ELAVL2: variants seen among roughly 807,000 people sequenced by gnomAD.
The protein encoded by ELAVL2 is ELAV-like protein 2.
Under a neutral mutation model 34.6 loss-of-function variants are expected in ELAVL2, and 4 were observed. The observed-to-expected ratio is 0.12, with a 90% confidence interval of 0.06 to 0.26. ELAVL2 has a LOEUF of 0.26. Ranked by LOEUF, ELAVL2 falls within the 10% of genes least tolerant of loss-of-function variation. The probability of loss-of-function intolerance (pLI) is 1.00; values close to 1 mark genes in which losing one functional copy is unlikely to be tolerated. For missense variants in ELAVL2, 432 were observed against 442.8 expected (o/e 0.98, Z 0.22); for synonymous variants, 193 against 154.8 (o/e 1.25, Z -1.83).
chr9:23,710,557 G>C (rs2040644703), intron 3 of ELAVL2, among the ~76,000 whole-genome samples: 2 of 152,142 alleles, frequency 1.3e-5, no homozygotes. Context: ...CCACTGCTAA[G>C]ATCACCACTG....
intron 2 of ELAVL2, among the ~76,000 whole-genome samples, chr9:23,738,320 C>G (rs1300121328): frequency 6.6e-6 from 1 of 152,206 alleles, no homozygotes; most frequent in East Asian, 1.9e-4. Flanking sequence ...CTGACTTAGC[C>G]TGAGTCTCCT....
At position 23,779,356 on chromosome 9, in the gene ELAVL2, C is replaced by A; in HGVS notation, c.-15-17107G>T. On this transcript the variant is annotated intron_variant, in intron 1 of 6. Coordinates refer to ENST00000397312, the MANE Select transcript of ELAVL2 (RefSeq NM_004432.5). ...AATTCCAGGGCCTGCAGAAAGTCTT[C>A]AAAGGCAAGGGAAGAAAGCAACGCC... is the stretch of plus-strand genomic sequence containing the variant. 5.1e-6 allele frequency: 5 copies of A among 985,364 alleles called. No individual in the cohort carries two copies. The South Asian group carries it at 1.9e-4, about 37-fold the overall frequency. 61.0% of individuals were successfully genotyped at this position (985,364 alleles called of 1,614,324 possible).
At chr9:23,829,543 A>G (rs1043562325), upstream of ELAVL2, 7 of 152,210 alleles carry the variant, frequency 4.6e-5, no homozygotes, top group African/African-American at 1.7e-4. Flanking sequence ...TAAAAATGTT[A>G]TGTGTTAGTA....
intron 4 of ELAVL2, among the ~76,000 whole-genome samples, chr9:23,703,405 T>C (rs1331924761): frequency 6.6e-6 from 1 of 152,224 alleles, no homozygotes; most frequent in Non-Finnish European, 1.5e-5. Flanking sequence ...GGTGGCAATG[T>C]ATAAGTATTA....
At chr9:23,813,922 T>A (rs1306104272) in intron 1 of ELAVL2, among the ~76,000 whole-genome samples, 1 of 152,164 alleles carries the variant, frequency 6.6e-6, no homozygotes, top group Non-Finnish European at 1.5e-5. Context: ...AGTATAGCAT[T>A]AGAGACACCA....
intron 1 of ELAVL2, among the ~76,000 whole-genome samples, chr9:23,786,675 G>A (rs1341040567): frequency 6.6e-6 from 1 of 151,090 alleles, no homozygotes; most frequent in African/African-American, 2.4e-5. Flanking sequence ...AAACTTCAAG[G>A]TACAGATAGG....
At chr9:23,800,883 A>C (rs1209758685) in intron 1 of ELAVL2, among the ~76,000 whole-genome samples, 3 of 152,178 alleles carry the variant, frequency 2.0e-5, no homozygotes, top group Non-Finnish European at 4.4e-5. Context: ...TCCTATTCAC[A>C]TTAAACAGAA....
At chr9:23,819,350 T>G (rs2064192366) in intron 1 of ELAVL2, among the ~76,000 whole-genome samples, 1 of 152,058 alleles carries the variant, frequency 6.6e-6, no homozygotes, top group African/African-American at 2.4e-5. Context: ...CCAAAAAAAC[T>G]AAATCAGAGA....
At chr9:23,765,442 A>T (rs2056024051) in intron 1 of ELAVL2, among the ~76,000 whole-genome samples, 1 of 152,180 alleles carries the variant, frequency 6.6e-6, no homozygotes, top group Non-Finnish European at 1.5e-5. Flanking sequence ...TCTCTTAAGG[A>T]TGTGGGAGAA....
At chr9:23,712,192 A>G (rs1338921177) in intron 3 of ELAVL2, among the ~76,000 whole-genome samples, 1 of 152,132 alleles carries the variant, frequency 6.6e-6, no homozygotes, top group Admixed American at 6.5e-5. Context: ...AAGGTGAAGC[A>G]ACTTTTCCAA....
In ELAVL2 at chr9:23,738,104, T is replaced by C. The variant is rs143148148; in HGVS notation, c.230-6979A>G. Among the ~76,000 whole-genome samples, 1,118 of 152,324 alleles carry C rather than the reference T, an allele frequency of 7.3e-3. 23 individuals are homozygous for C. The highest frequency in any genetic ancestry group is 0.026 in the African/African-American group (1,075 of 41,570). On this transcript the variant is annotated intron_variant, in intron 2 of 6. Transcript: ENST00000397312. ...ACTTACTGTTCTTGGGCACTCATTA[T>C]GTGTGTCTGTTCAGACAGGCTGTGC...
chr9:23,709,169 C>A lies in ELAVL2; in HGVS notation c.334-4098G>T, dbSNP rs576789067. Among the ~76,000 whole-genome samples, 3 of 152,288 alleles carry A rather than the reference C, an allele frequency of 2.0e-5. No individual in the cohort carries two copies. In the South Asian group the frequency reaches 6.2e-4, roughly 32 times the overall value. On this transcript the variant is annotated intron_variant, in intron 3 of 6. Transcript: ENST00000397312. ...CCAAGGCTCAAGGTCCTACCCCTAT[C>A]CCTTTATTTACTGTTCTTGGAATTA...
At chr9:23,716,153 C>T (rs1484266258) in intron 3 of ELAVL2, among the ~76,000 whole-genome samples, 5 of 84,714 alleles carry the variant, frequency 5.9e-5, no homozygotes, top group Admixed American at 1.7e-4. Flanking sequence ...CATCACACAC[C>T]GGGGCCTGTT....
intron 5 of ELAVL2, among the ~76,000 whole-genome samples, chr9:23,700,295 T>C (rs1055681126): frequency 6.6e-6 from 1 of 152,182 alleles, no homozygotes; most frequent in Non-Finnish European, 1.5e-5. Context: ...TATTTAAAAA[T>C]GTCCTGGAAA....
At chr9:23,724,802 T>C (rs182569385) in intron 3 of ELAVL2, among the ~76,000 whole-genome samples, 1 of 152,254 alleles carries the variant, frequency 6.6e-6, no homozygotes, top group Admixed American at 6.5e-5. Context: ...TCAGTCTGTA[T>C]TTTTTAAAAG....
intron 1 of ELAVL2, among the ~76,000 whole-genome samples, chr9:23,779,529 G>A (rs963875215): frequency 2.0e-5 from 3 of 152,108 alleles, no homozygotes; most frequent in African/African-American, 7.2e-5. Context: ...CTCCAAAGCT[G>A]CTATTTTGTT....
intron 1 of ELAVL2, among the ~76,000 whole-genome samples, chr9:23,816,600 A>G (rs578161784): frequency 6.6e-6 from 1 of 151,458 alleles, no homozygotes; most frequent in African/African-American, 2.4e-5. Flanking sequence ...ATGATGGTTC[A>G]AACTTACGAT....
rs147642066 is a variant in ELAVL2 at position 23,771,236 on chromosome 9, C to T, written c.-15-8987G>A. Among the ~76,000 whole-genome samples, 257 of 152,248 alleles carry T rather than the reference C, an allele frequency of 1.7e-3. 1 individual carries two copies. Among genetic ancestry groups the T allele is most frequent in the African/African-American group, 6.0e-3 (249 of 41,544 alleles). ...CAGAAGAAAACACATTATTAAGGTG[C>T]TACATTTTAATTACATCAGTACACT... On this transcript the variant is annotated intron_variant, in intron 1 of 6. Transcript: ENST00000397312.
intron 1 of ELAVL2, among the ~76,000 whole-genome samples, chr9:23,769,197 CA>C (rs1408421451): frequency 6.6e-6 from 1 of 151,680 alleles, no homozygotes; most frequent in African/African-American, 2.4e-5. Flanking sequence ...GCCAAACATA[CA>C]AAACACAAAC....
Sources: allele counts gnomAD v4.1 joint callset (sites outside exome capture counted in the v4.1 genomes callset), GRCh38; gene constraint gnomAD v4.1.1; transcripts MANE v1.5; gene names NCBI Gene and HGNC (gene_info 2026-07-23, HGNC 2026-07-21).